The following EEF1G variants were observed in gnomAD, a reference collection of about 807,000 sequenced individuals.
EEF1G encodes eukaryotic translation elongation factor 1 gamma.
EEF1G carries 14 observed loss-of-function variants against 58.3 expected under a neutral mutation model. The observed-to-expected ratio is 0.24, with a 90% confidence interval of 0.16 to 0.38. The LOEUF is 0.38. Among genes scored for constraint, EEF1G ranks in the 10% least tolerant of loss-of-function variants. The pLI is 1.00. For missense variants in EEF1G, 322 were observed against 550.1 expected, an observed-to-expected ratio of 0.59 and a Z score of 4.15; for synonymous variants, 180 against 206.8, an observed-to-expected ratio of 0.87 and a Z score of 1.11.
chr11:62,559,666 T>A lies in EEF1G; in HGVS notation c.*13A>T. On this transcript the variant is annotated 3_prime_UTR_variant, in exon 10 of 10. Transcript: ENST00000329251. ...AGGGCAGGTGCAGGCAGCTAGGTGA[T>A]GGCAAGAGATGTTCACTTGAAGATC... 1 of 1,613,416 alleles carries A rather than the reference T, an allele frequency of 6.2e-7. No individual in the cohort carries two copies. Among genetic ancestry groups the A allele is most frequent in the Non-Finnish European group, 8.5e-7 (1 of 1,179,492 alleles).
chr11:62,562,210 A>C (rs1941503939), intron 7 of EEF1G, among the ~76,000 whole-genome samples: 1 of 152,178 alleles, frequency 6.6e-6, no homozygotes, highest in African/African-American at 2.4e-5. Flanking sequence ...CTGTAAAATT[A>C]TTGCATTTGA....
At chr11:62,560,531 C>T (rs1423108800) in intron 7 of EEF1G, 77 bp from the exon 8 acceptor site, 4 of 1,489,686 alleles carry the variant, frequency 2.7e-6, no homozygotes, top group Admixed American at 2.0e-5. Flanking sequence ...GGTGCTTTCA[C>T]TTAAAATTTA....
intron 7 of EEF1G, among the ~76,000 whole-genome samples, chr11:62,561,434 GGAGGCC>G (rs1239114019): frequency 6.6e-6 from 1 of 151,040 alleles, no homozygotes; most frequent in Admixed American, 6.6e-5. Context: ...CAACACTTTG[GGAGGCC>G]GAGGCGGGCG....
intron 1 of EEF1G, 59 bp downstream of exon 1, chr11:62,573,772 C>T (rs1941666758): frequency 1.6e-5 from 25 of 1,612,452 alleles, no homozygotes; most frequent in Non-Finnish European, 1.7e-5. Flanking sequence ...ACTGGCCCCA[C>T]TCGGGCAAAG....
chr11:62,560,705 G>A (rs1264180769), intron 7 of EEF1G, among the ~76,000 whole-genome samples: 5 of 152,162 alleles, frequency 3.3e-5, no homozygotes, highest in Non-Finnish European at 7.3e-5. Context: ...GCCCCAGGAA[G>A]GGCATGGCTA....
chr11:62,564,654 C>G (rs934575461), intron 7 of EEF1G, among the ~76,000 whole-genome samples: 1 of 145,672 alleles, frequency 6.9e-6, no homozygotes, highest in Admixed American at 7.2e-5. Context: ...CCCAGCTACT[C>G]AAGAGGCTGA....
intron 7 of EEF1G, among the ~76,000 whole-genome samples, chr11:62,565,663 T>C (rs1212063801): frequency 6.6e-6 from 1 of 152,146 alleles, no homozygotes; most frequent in Non-Finnish European, 1.5e-5. Flanking sequence ...ACACCAAAAA[T>C]CCTGCTCACT....
chr11:62,561,661 AAAAAAAAAACAAAAAAAAAAC>A (rs1328494594), intron 7 of EEF1G, among the ~76,000 whole-genome samples: 34 of 94,382 alleles, frequency 3.6e-4, no homozygotes, highest in African/African-American at 1.1e-3. Context: ...ACTCCGTCTC[AAAAAAAAAACAAAAAAAAAAC>A]AAAAAAAAAA....
Position 62,560,126 on chromosome 11 carries a change from G to T in EEF1G, c.1098C>A (p.Asn366Lys). The change falls in exon 9 of 10, where the codon AAC becomes AAA. Residue 366 changes from asparagine to lysine, a missense_variant. By Grantham distance (94) the Asn-to-Lys change is moderately conservative (BLOSUM62 0). Coordinates refer to ENST00000329251, the MANE Select transcript of EEF1G (RefSeq NM_001404.5). ...AFASVILFGT[N>K]NSSSISGVWV... ...AGACTCCAGAAATGGAGCTGCTATT[G>T]TTGGTTCCAAAAAGGATGACACTGG... The T allele has an allele frequency of 6.2e-7, 1 of 1,614,030 alleles. No individual in the cohort carries two copies. The highest frequency in any genetic ancestry group is 8.5e-7 in the Non-Finnish European group (1 of 1,179,898).
At chr11:62,568,818 C>T (rs545322187) in intron 5 of EEF1G, among the ~76,000 whole-genome samples, 61 of 151,934 alleles carry the variant, frequency 4.0e-4, no homozygotes, top group African/African-American at 1.3e-3. Flanking sequence ...CCTAAAAATA[C>T]AAAAATCAGC....
chr11:62,567,058 C>A (rs537835649), intron 6 of EEF1G, 48 bp from the exon 7 acceptor site: 209 of 1,589,924 alleles, frequency 1.3e-4, no homozygotes, highest in Non-Finnish European at 1.7e-4. Context: ...TGCCTCTTTC[C>A]ACACCCCTCC....
In EEF1G at chr11:62,570,992, G is replaced by A; in HGVS notation, c.495C>T (p.Val165=). 6.2e-7 allele frequency: 1 copy of A among 1,613,906 alleles called. No homozygotes were observed. Among genetic ancestry groups the A allele is most frequent in the African/African-American group, 1.3e-5 (1 of 75,008 alleles). ...ERVTLADITV[V]CTLLWLYKQV... The stretch of plus-strand genomic sequence containing the variant: ...GCTTATAGAGCCACAACAGGGTGCA[G>A]ACAACTGTGATGTCAGCCAATGTCA... The change falls in exon 5 of 10, where the codon GTC becomes GTT. Residue 165 remains valine, a synonymous_variant. Transcript: ENST00000329251.
chr11:62,570,843 A>G, intron 5 of EEF1G, 122 bp downstream of exon 5: 2 of 1,372,944 alleles, frequency 1.5e-6, no homozygotes, highest in East Asian at 4.6e-5. Flanking sequence ...GGCATGAGCC[A>G]CTGCACCCAC....
At chr11:62,567,329 T>A in intron 6 of EEF1G, 70 bp downstream of exon 6, 2 of 1,516,992 alleles carry the variant, frequency 1.3e-6, no homozygotes, top group Non-Finnish European at 1.8e-6. Context: ...AGACAGGAAA[T>A]CAAGGGGTTG....
chr11:62,562,148 T>C (rs1941503578), intron 7 of EEF1G, among the ~76,000 whole-genome samples: 1 of 152,232 alleles, frequency 6.6e-6, no homozygotes, highest in South Asian at 2.1e-4. Context: ...TTTTAAATTG[T>C]TTATCTCTCT....
intron 7 of EEF1G, among the ~76,000 whole-genome samples, chr11:62,561,251 C>G (rs1016930280): frequency 6.6e-6 from 1 of 151,784 alleles, no homozygotes; most frequent in Non-Finnish European, 1.5e-5. Context: ...ACTAAAAATA[C>G]AAAAATTAGC....
chr11:62,567,078 C>T, intron 6 of EEF1G, 68 bp from the exon 7 acceptor site: 1 of 1,522,862 alleles, frequency 6.6e-7, no homozygotes, highest in Non-Finnish European at 9.0e-7. Flanking sequence ...CAAAACCACA[C>T]AGAGCAAGCA....
chr11:62,571,790 C>A, intron 3 of EEF1G, 48 bp downstream of exon 3: 1 of 1,568,504 alleles, frequency 6.4e-7, no homozygotes, highest in Non-Finnish European at 8.6e-7. Context: ...TCCTCTCCTA[C>A]ACCCTCACCT....
chr11:62,570,883 AT>A lies in EEF1G; in HGVS notation c.522+81del, dbSNP rs368903319. 9.3e-4 allele frequency: 1,479 copies of A among 1,586,578 alleles called. 15 individuals are homozygous for A. The African/African-American group carries it at 0.018, about 19-fold the overall frequency. On this transcript the variant is annotated intron_variant, in intron 5 of 9. Transcript: ENST00000329251. ...AGCTGTTTTCCAAGTCCTCAGCAGA[AT>A]ACAGGGTAACCTAGATACCTCGTCA... is the stretch of plus-strand genomic sequence containing the variant.
Sources: allele counts gnomAD v4.1 joint callset (sites outside exome capture counted in the v4.1 genomes callset), GRCh38; gene constraint gnomAD v4.1.1; transcripts MANE v1.5; gene names NCBI Gene and HGNC (gene_info 2026-07-23, HGNC 2026-07-21).